Variants in TRPC4 observed in about 807,000 individuals in gnomAD.
TRPC4 encodes the protein transient receptor potential cation channel subfamily C member 4.
Under a neutral mutation model 99.4 loss-of-function variants are expected in TRPC4, and 49 were observed. The ratio of observed to expected loss-of-function variants is 0.49; its 90% CI spans 0.39 to 0.63. The LOEUF (loss-of-function observed/expected upper bound fraction) is 0.63, where lower values mean the gene tolerates loss of function less well. Ranked by LOEUF, TRPC4 falls within the 20% of genes least tolerant of loss-of-function variation. The probability of loss-of-function intolerance (pLI) is 0.00; values close to 1 mark genes in which losing one functional copy is unlikely to be tolerated. For synonymous variants in TRPC4, 454 were observed against 425.9 expected (o/e 1.07, Z -0.81); for missense variants, 898 against 1,152.9 (o/e 0.78, Z 3.20).
At chr13:37,710,487 A>T (rs1954446923) in intron 3 of TRPC4, among the ~76,000 whole-genome samples, 1 of 151,956 alleles carries the variant, frequency 6.6e-6, no homozygotes, top group Non-Finnish European at 1.5e-5. Flanking sequence ...CAGAAAAAGT[A>T]CTTCATGAGA....
chr13:37,786,267 TA>T lies in TRPC4; in HGVS notation c.-27-2908del, dbSNP rs557730253. On this transcript the variant is annotated intron_variant, in intron 1 of 10. Coordinates refer to ENST00000379705, the MANE Select transcript of TRPC4 (RefSeq NM_016179.4). ...AAATTTAAATATTTACAATGGAATCTAAAAACACTCACAGGGAGAAAGACAC... is the reference window on the plus strand; with the variant it reads ...AAATTTAAATATTTACAATGGAATCTAAAACACTCACAGGGAGAAAGACAC... Among the ~76,000 whole-genome samples, 5 of 147,740 alleles carry T rather than the reference TA, an allele frequency of 3.4e-5. No individual in the cohort carries two copies. In the East Asian group the frequency reaches 9.9e-4, roughly 29 times the overall value.
intron 8 of TRPC4, among the ~76,000 whole-genome samples, chr13:37,645,150 A>T (rs779833568): frequency 6.6e-6 from 1 of 152,006 alleles, no homozygotes; most frequent in African/African-American, 2.4e-5. Context: ...AGATGAGGGC[A>T]TACCTGTTGC....
intron 5 of TRPC4, among the ~76,000 whole-genome samples, chr13:37,665,592 G>A (rs891886988): frequency 2.0e-5 from 3 of 152,132 alleles, no homozygotes; most frequent in Admixed American, 6.5e-5. Context: ...TTAACACAAA[G>A]TGGGGTGGGA....
chr13:37,869,155 G>A (rs1477774931), intron 1 of TRPC4, among the ~76,000 whole-genome samples: 7 of 151,950 alleles, frequency 4.6e-5, no homozygotes, highest in Non-Finnish European at 1.0e-4. Context: ...TTTAAGTGCC[G>A]GAGAGCTAAG....
chr13:37,801,417 G>A (rs1003588866), intron 1 of TRPC4, among the ~76,000 whole-genome samples: 1 of 152,040 alleles, frequency 6.6e-6, no homozygotes, highest in Non-Finnish European at 1.5e-5. Context: ...TAACTGTGCA[G>A]CATTAAACAA....
chr13:37,722,261 A>T (rs925079804), intron 3 of TRPC4, among the ~76,000 whole-genome samples: 1 of 152,164 alleles, frequency 6.6e-6, no homozygotes, highest in African/African-American at 2.4e-5. Flanking sequence ...ACATCAGCCC[A>T]ATCAGCCTGG....
At chr13:37,666,550 C>A (rs1355978707) in intron 5 of TRPC4, among the ~76,000 whole-genome samples, 1 of 152,160 alleles carries the variant, frequency 6.6e-6, no homozygotes, top group African/African-American at 2.4e-5. Context: ...CTATAGTCAT[C>A]ATTTAACAAA....
chr13:37,851,159 G>A (rs1959043203), intron 1 of TRPC4, among the ~76,000 whole-genome samples: 1 of 152,114 alleles, frequency 6.6e-6, no homozygotes, highest in Non-Finnish European at 1.5e-5. Flanking sequence ...GGTCATACAA[G>A]GAATACATAG....
intron 8 of TRPC4, among the ~76,000 whole-genome samples, chr13:37,643,661 T>C (rs981356480): frequency 6.6e-5 from 10 of 152,204 alleles, no homozygotes; most frequent in Admixed American, 2.6e-4. Flanking sequence ...ACTGGGAATA[T>C]ACAGATTAGA....
rs1952533679 is a variant in TRPC4 at position 37,663,633 on chromosome 13, G to A, written c.1471C>T (p.Arg491Cys). 6.2e-7 allele frequency: 1 copy of A among 1,614,140 alleles called. No individual in the cohort carries two copies. The highest frequency in any genetic ancestry group is 8.5e-7 in the Non-Finnish European group (1 of 1,180,002). Reference protein sequence around the residue: ...FAIANIFSSLRLISLFTANSH... With the variant: ...FAIANIFSSLCLISLFTANSH... ...TTTGCAGTAAACAGTGAGATCAGAC[G>A]CAGAGAACTGAAGATGTTTGCAATA... Residue 491 changes from arginine to cysteine, a missense_variant, in exon 6 of 11, where the codon CGT becomes TGT. This residue lies in a region of TRPC4 where 274 missense variants were observed against 454.9 expected (regional missense o/e 0.60). Coordinates refer to ENST00000379705, the MANE Select transcript of TRPC4 (RefSeq NM_016179.4).
At chr13:37,644,418 A>AT (rs1291456313) in intron 8 of TRPC4, among the ~76,000 whole-genome samples, 1 of 152,150 alleles carries the variant, frequency 6.6e-6, no homozygotes, top group African/African-American at 2.4e-5. Flanking sequence ...CTTTCAAGCC[A>AT]TTTGCATGTT....
chr13:37,686,771 TG>T (rs1312880164), intron 4 of TRPC4, among the ~76,000 whole-genome samples: 1 of 152,130 alleles, frequency 6.6e-6, no homozygotes, highest in African/African-American at 2.4e-5. Flanking sequence ...CCTCCTCCTA[TG>T]TTACATCTTT....
At chr13:37,853,859 T>A (rs1959117092) in intron 1 of TRPC4, among the ~76,000 whole-genome samples, 1 of 151,958 alleles carries the variant, frequency 6.6e-6, no homozygotes, top group Admixed American at 6.6e-5. Flanking sequence ...AAAGACAGGC[T>A]ATTTGAAAAT....
chr13:37,862,888 C>T (rs1203885871), intron 1 of TRPC4, among the ~76,000 whole-genome samples: 3 of 151,328 alleles, frequency 2.0e-5, no homozygotes, highest in Non-Finnish European at 3.0e-5. Flanking sequence ...CACATAACAA[C>T]ATTTTGGGCA....
Position 37,714,390 on chromosome 13 carries a change from G to T in TRPC4, c.898-22055C>A, listed in dbSNP as rs567913372. Among the ~76,000 whole-genome samples the T allele has an allele frequency of 1.9e-4, 29 of 152,234 alleles. No individual in the cohort carries two copies. In the South Asian group the frequency reaches 6.0e-3, roughly 32 times the overall value. On this transcript the variant is annotated intron_variant, in intron 3 of 10. Coordinates refer to ENST00000379705, the MANE Select transcript of TRPC4 (RefSeq NM_016179.4). ...GATCCATCCACCTTGGCCTCCCAAA[G>T]CGCTGGGATTACAGGCGTAAGCCAC...
chr13:37,728,695 T>G (rs1366171276), intron 3 of TRPC4, among the ~76,000 whole-genome samples: 1 of 152,070 alleles, frequency 6.6e-6, no homozygotes, highest in Non-Finnish European at 1.5e-5. Flanking sequence ...AAAATCCATA[T>G]GGAATCTCAA....
intron 1 of TRPC4, among the ~76,000 whole-genome samples, chr13:37,791,719 T>C (rs182841792): frequency 3.9e-5 from 6 of 152,202 alleles, no homozygotes; most frequent in African/African-American, 9.6e-5. Context: ...ATGGAGAAAT[T>C]TGCAGGAGGA....
chr13:37,850,299 A>G (rs552717224), intron 1 of TRPC4, among the ~76,000 whole-genome samples: 11 of 152,198 alleles, frequency 7.2e-5, no homozygotes, highest in Non-Finnish European at 1.5e-4. Context: ...CTTCTTGTTC[A>G]GTTAATAATG....
At chr13:37,850,845 C>A (rs894799372) in intron 1 of TRPC4, among the ~76,000 whole-genome samples, 1 of 152,126 alleles carries the variant, frequency 6.6e-6, no homozygotes, top group African/African-American at 2.4e-5. Flanking sequence ...TGACCTTGTA[C>A]AAGCCATATT....
Sources: gnomAD v4.1 joint callset for allele counts (sites outside exome capture counted in the v4.1 genomes callset) on GRCh38, gnomAD v4.1.1 for gene constraint, gnomAD v4.1.1 regional missense constraint, MANE v1.5 for transcripts, NCBI Gene and HGNC (gene_info 2026-07-23, HGNC 2026-07-21) for gene names.